The following PI4K2B variants were observed in gnomAD, a reference collection of about 807,000 sequenced individuals.
PI4K2B encodes phosphatidylinositol 4-kinase type 2-beta.
PI4K2B carries 46 observed loss-of-function variants against 56.6 expected under a neutral mutation model. The observed-to-expected ratio is 0.81, with a 90% confidence interval of 0.64 to 1.04. PI4K2B has a LOEUF of 1.04. PI4K2B is among the 50% of genes least tolerant of loss of function. PI4K2B has a pLI of 0.00. For missense variants in PI4K2B, 556 were observed against 607.7 expected (o/e 0.91, Z 0.89); for synonymous variants, 211 against 223.8 (o/e 0.94, Z 0.51).
At chr4:25,234,929 A>G (rs1020131279) in intron 1 of PI4K2B, among the ~76,000 whole-genome samples, 2 of 152,224 alleles carry the variant, frequency 1.3e-5, no homozygotes, top group Admixed American at 1.3e-4. Context: ...GAAGTTAGCC[A>G]CAGGGGGCAA....
At chr4:25,246,612 G>A (rs771590903) in intron 1 of PI4K2B, among the ~76,000 whole-genome samples, 22 of 152,216 alleles carry the variant, frequency 1.4e-4, no homozygotes, top group Admixed American at 1.3e-3. Context: ...CCAGTCCCAC[G>A]CCTTGTGCCC....
Position 25,259,077 on chromosome 4 carries a change from C to T in PI4K2B, c.797C>T (p.Ala266Val). Residue 266 changes from alanine (A) to valine (V), a missense_variant, in exon 5 of 10, where the codon GCT (alanine) becomes GTT (valine). Transcript: ENST00000264864. ...FQLFVEGYKE[A>V]EYWLRKFEAD... The stretch of plus-strand genomic sequence containing the variant: ...TTATTTGTTGAAGGTTACAAGGAGG[C>T]TGAATATTGGCTTAGGAAATTTGAA... 1 of 1,589,170 alleles carries T rather than the reference C, an allele frequency of 6.3e-7. No homozygotes were observed. Among genetic ancestry groups the T allele is most frequent in the South Asian group, 1.1e-5 (1 of 89,934 alleles).
chr4:25,261,656 A>G (rs1183056048), intron 6 of PI4K2B, among the ~76,000 whole-genome samples: 2 of 152,236 alleles, frequency 1.3e-5, no homozygotes, highest in Non-Finnish European at 2.9e-5. Flanking sequence ...ATAAAAAGGA[A>G]CAAACGATAC....
At chr4:25,256,137 CA>C (rs1716255159) in intron 3 of PI4K2B, among the ~76,000 whole-genome samples, 1 of 152,194 alleles carries the variant, frequency 6.6e-6, no homozygotes, top group Non-Finnish European at 1.5e-5. Context: ...AGGCTGGTCT[CA>C]AACTCCTGAG....
At chr4:25,258,455 C>T (rs1424798328) in intron 4 of PI4K2B, 1 of 159,944 alleles carries the variant, frequency 6.3e-6, no homozygotes, top group East Asian at 1.9e-4. Flanking sequence ...AGTGATCCAC[C>T]CACCTCAGCC....
chr4:25,253,271 G>A (rs141310238), intron 2 of PI4K2B, among the ~76,000 whole-genome samples: 3 of 152,266 alleles, frequency 2.0e-5, no homozygotes, highest in African/African-American at 7.2e-5. Flanking sequence ...ATGAACCACA[G>A]GATGATTCTA....
chr4:25,272,982 C>T (rs1460912961), intron 9 of PI4K2B, among the ~76,000 whole-genome samples: 1 of 152,186 alleles, frequency 6.6e-6, no homozygotes, highest in Non-Finnish European at 1.5e-5. Context: ...AATCCCTCTC[C>T]CTTCCAATTT....
rs778446081 is a variant in PI4K2B, at chr4:25,255,132, AAT to A, written c.494_495del (p.Tyr165CysfsTer3). 1.7e-5 allele frequency: 28 copies of A among 1,614,004 alleles called. No individual in the cohort carries two copies. The highest frequency in any genetic ancestry group is 2.4e-5 in the Non-Finnish European group (28 of 1,179,950). ...GGTCAACTCAATCCAAAATGGACCA[AAT>A]ATGTCCATAAGGTCTGCTGCCCTTG... On this transcript the variant is annotated frameshift_variant, in exon 3 of 10. Coordinates refer to ENST00000264864, the MANE Select transcript of PI4K2B (RefSeq NM_018323.4). LOFTEE classifies it high-confidence loss of function.
intron 9 of PI4K2B, among the ~76,000 whole-genome samples, chr4:25,273,625 C>T (rs890560318): frequency 1.3e-5 from 2 of 152,196 alleles, no homozygotes; most frequent in Non-Finnish European, 2.9e-5. Context: ...CCTGGCCAAT[C>T]GGCAACATTT....
intron 2 of PI4K2B, 114 bp downstream of exon 2, chr4:25,252,589 T>A: frequency 1.2e-6 from 1 of 821,844 alleles, no homozygotes; most frequent in Non-Finnish European, 1.9e-6. Context: ...GATTGTAACC[T>A]CTTTTCCAAA....
intron 1 of PI4K2B, among the ~76,000 whole-genome samples, chr4:25,249,361 G>A (rs937387765): frequency 2.0e-5 from 3 of 148,496 alleles, no homozygotes; most frequent in African/African-American, 7.4e-5. Context: ...CAGGCAGAGG[G>A]GCTCATCACT....
At chr4:25,253,928 C>T (rs559788101) in intron 2 of PI4K2B, among the ~76,000 whole-genome samples, 87 of 152,254 alleles carry the variant, frequency 5.7e-4, no homozygotes, top group African/African-American at 2.1e-3. Flanking sequence ...CTCGCCACCA[C>T]GCCGAGCTAA....
chr4:25,238,697 C>T (rs1459433621), intron 1 of PI4K2B, among the ~76,000 whole-genome samples: 4 of 152,100 alleles, frequency 2.6e-5, no homozygotes, highest in South Asian at 2.1e-4. Context: ...CCTGGTCTCG[C>T]TGGCTTCAGG....
At chr4:25,264,704 C>T (rs1029248283) in intron 7 of PI4K2B, among the ~76,000 whole-genome samples, 2 of 151,418 alleles carry the variant, frequency 1.3e-5, no homozygotes, top group Non-Finnish European at 2.9e-5. Flanking sequence ...AACCCCATCT[C>T]TACAAAAAAT....
rs1238058723 is a variant in PI4K2B at position 25,234,424 on chromosome 4, G to A, written c.261G>A (p.Ala87=). Residue 87 remains alanine (A), a synonymous_variant, in exon 1 of 10, where the codon GCG becomes GCA. Coordinates refer to ENST00000264864, the MANE Select transcript of PI4K2B (RefSeq NM_018323.4). ...SSAELDRSRP[A]VSVTIGTSEM... is the part of the protein sequence containing the mutation. The stretch of plus-strand genomic sequence containing the variant: ...CCGAGCTGGACCGGAGCCGCCCCGC[G>A]GTTTCAGGTGCGACCCGGCCCTGCC... 2.2e-6 allele frequency: 3 copies of A among 1,344,652 alleles called. No homozygotes were observed. The highest frequency in any genetic ancestry group is 2.9e-6 in the Non-Finnish European group (3 of 1,047,566). 83.3% of individuals were successfully genotyped at this position (1,344,652 alleles called of 1,614,324 possible).
At position 25,234,045 on chromosome 4, in the gene PI4K2B, G is replaced by A. The variant is rs1003319393; in HGVS notation, c.-119G>A. The A allele has an allele frequency of 3.6e-5, 32 of 891,050 alleles. No homozygotes were observed. The highest frequency in any genetic ancestry group is 4.1e-5 in the Non-Finnish European group (28 of 677,360). The allele number at this position is 891,050 out of a possible 1,614,324, so 55.2% of individuals were successfully genotyped here. A position where few individuals can be genotyped will look rare whatever the true frequency, so the allele number is the denominator to read the frequency against. ...CTGGGCGGGCGCCAAGCGTGCCCGT[G>A]CGCTGGTGAGGTGGCGTCCGTTCTA... is the stretch of plus-strand genomic sequence containing the variant. On this transcript the variant is annotated 5_prime_UTR_variant, in exon 1 of 10. Coordinates refer to ENST00000264864, the MANE Select transcript of PI4K2B (RefSeq NM_018323.4).
chr4:25,276,303 A>G, intron 9 of PI4K2B: 1 of 354,998 alleles, frequency 2.8e-6, no homozygotes, highest in Non-Finnish European at 3.9e-6. Context: ...ATCTTTGAAC[A>G]TGATATGTAA....
intron 1 of PI4K2B, among the ~76,000 whole-genome samples, chr4:25,248,917 T>C (rs568292814): frequency 6.6e-6 from 1 of 152,144 alleles, no homozygotes; most frequent in African/African-American, 2.4e-5. Flanking sequence ...CAGATAAACA[T>C]GTGAACAAAG....
chr4:25,256,796 G>A lies in PI4K2B; in HGVS notation c.756+122G>A, dbSNP rs905953863. On this transcript the variant is annotated intron_variant, in intron 4 of 9. Transcript: ENST00000264864. ...AGCACAGATTTTTCATCTTCCAGGA[G>A]CTTATAGTAAACAGGTAATTTTAGT... The A allele has an allele frequency of 1.0e-5, 9 of 900,326 alleles. No individual in the cohort carries two copies. In the East Asian group the frequency reaches 2.3e-4, roughly 23 times the overall value. 55.8% of individuals were successfully genotyped at this position (900,326 alleles called of 1,614,324 possible). A position where few individuals can be genotyped will look rare whatever the true frequency, so the allele number is the denominator to read the frequency against.
Sources: gnomAD v4.1 joint callset for allele counts (sites outside exome capture counted in the v4.1 genomes callset) on GRCh38, gnomAD v4.1.1 for gene constraint, MANE v1.5 for transcripts, NCBI Gene and HGNC (gene_info 2026-07-23, HGNC 2026-07-21) for gene names.